Variants in MARCHF1 observed in about 807,000 individuals in gnomAD.
MARCHF1 encodes E3 ubiquitin-protein ligase MARCHF1.
A neutral mutation model predicts 54.2 loss-of-function variants in MARCHF1; 40 were observed. That is an observed-to-expected ratio of 0.74 (90% CI 0.57 to 0.96). The LOEUF is 0.96. Ranked by LOEUF, MARCHF1 falls within the 40% of genes least tolerant of loss-of-function variation. The probability of loss-of-function intolerance (pLI) is 0.00; values close to 1 mark genes in which losing one functional copy is unlikely to be tolerated. For missense variants in MARCHF1, 586 were observed against 656.5 expected (o/e 0.89, Z 1.17); for synonymous variants, 236 against 236.3 (o/e 1.00, Z 0.01).
intron 1 of MARCHF1, among the ~76,000 whole-genome samples, chr4:164,283,236 A>C (rs1055027662): frequency 6.6e-6 from 1 of 150,894 alleles, no homozygotes; most frequent in Non-Finnish European, 1.5e-5. Context: ...GCAACACAAA[A>C]ATTCAAATGG....
chr4:163,728,497 A>G (rs1005081486), intron 4 of MARCHF1, among the ~76,000 whole-genome samples: 10 of 152,044 alleles, frequency 6.6e-5, no homozygotes, highest in African/African-American at 2.4e-4. Flanking sequence ...CTTTTTTCAC[A>G]TTGATCTTCC....
intron 1 of MARCHF1, among the ~76,000 whole-genome samples, chr4:164,244,813 G>C (rs1259321414): frequency 5.3e-5 from 8 of 152,082 alleles, no homozygotes; most frequent in Non-Finnish European, 8.8e-5. Context: ...AGTACCATCA[G>C]AGAATACTAC....
intron 1 of MARCHF1, among the ~76,000 whole-genome samples, chr4:164,276,952 AG>A: frequency 8.4e-6 from 1 of 119,310 alleles, no homozygotes; most frequent in Non-Finnish European, 1.9e-5. Context: ...ATATATAGAG[AG>A]AGAGAGAGAG....
At chr4:164,311,454 A>G (rs77442065) in intron 1 of MARCHF1, among the ~76,000 whole-genome samples, 9,795 of 152,268 alleles carry the variant, frequency 0.064, 837 homozygotes, top group East Asian at 0.27. Context: ...ACATTTTCTT[A>G]AAGATTACTA....
chr4:163,995,044 G>C (rs1753047538), intron 2 of MARCHF1, among the ~76,000 whole-genome samples: 1 of 151,930 alleles, frequency 6.6e-6, no homozygotes, highest in Non-Finnish European at 1.5e-5. Flanking sequence ...CCCAAATTCA[G>C]TTCTACCTGG....
At chr4:164,057,062 T>C (rs760624180) in intron 2 of MARCHF1, among the ~76,000 whole-genome samples, 4 of 152,192 alleles carry the variant, frequency 2.6e-5, no homozygotes, top group Non-Finnish European at 2.9e-5. Context: ...TAACACTAAA[T>C]AGCAAATTAA....
chr4:164,176,196 G>A (rs1257186632), intron 1 of MARCHF1, among the ~76,000 whole-genome samples: 2 of 152,092 alleles, frequency 1.3e-5, no homozygotes, highest in African/African-American at 4.8e-5. Context: ...AGTTACTAAG[G>A]CAAGCCTGAC....
At chr4:163,653,678 G>C (rs1743047207) in intron 5 of MARCHF1, among the ~76,000 whole-genome samples, 1 of 151,604 alleles carries the variant, frequency 6.6e-6, no homozygotes, top group South Asian at 2.1e-4. Context: ...AAAGAAGGTA[G>C]ACATCAAGGT....
intron 1 of MARCHF1, among the ~76,000 whole-genome samples, chr4:164,178,414 G>A (rs1359610502): frequency 1.3e-5 from 2 of 152,156 alleles, no homozygotes; most frequent in Non-Finnish European, 2.9e-5. Flanking sequence ...AAAATTATGT[G>A]TCCAGTAAAG....
intron 5 of MARCHF1, among the ~76,000 whole-genome samples, chr4:163,619,925 A>G (rs950581657): frequency 3.3e-5 from 5 of 152,180 alleles, no homozygotes; most frequent in African/African-American, 1.2e-4. Flanking sequence ...AAAAACTTCT[A>G]ATTTATAAAA....
chr4:163,752,077 A>T lies in MARCHF1; in HGVS notation c.112-51214T>A, dbSNP rs76598716. On this transcript the variant is annotated intron_variant, in intron 4 of 9. Coordinates refer to ENST00000514618, the MANE Select transcript of MARCHF1 (RefSeq NM_001394959.1). ...TGGAAATAACTCATAATAGGGACTT[A>T]TAACTCATAGTGGAATTTTTCTGTG... 2.5e-3 allele frequency among the ~76,000 whole-genome samples: 377 copies of T among 152,324 alleles called. 3 individuals carry two copies. The highest frequency in any genetic ancestry group is 8.6e-3 in the African/African-American group (359 of 41,576).
At chr4:164,193,493 C>A (rs888549620) in intron 1 of MARCHF1, among the ~76,000 whole-genome samples, 1 of 151,974 alleles carries the variant, frequency 6.6e-6, no homozygotes. Context: ...TGACACAGAA[C>A]AGGAAAGATC....
intron 1 of MARCHF1, among the ~76,000 whole-genome samples, chr4:164,115,864 T>C (rs1755928512): frequency 6.6e-6 from 1 of 152,012 alleles, no homozygotes; most frequent in Admixed American, 6.6e-5. Context: ...GAAGATGTCA[T>C]AGTTCCCACA....
intron 3 of MARCHF1, among the ~76,000 whole-genome samples, chr4:163,890,336 C>A (rs1307224042): frequency 6.6e-6 from 1 of 150,934 alleles, no homozygotes; most frequent in Non-Finnish European, 1.5e-5. Context: ...ACAAAATATT[C>A]CAGGCAGCTT....
intron 2 of MARCHF1, among the ~76,000 whole-genome samples, chr4:164,053,720 C>T (rs560198511): frequency 6.6e-6 from 1 of 152,258 alleles, no homozygotes; most frequent in South Asian, 2.1e-4. Context: ...ATTCAACCTC[C>T]TTTTCTAATG....
intron 1 of MARCHF1, among the ~76,000 whole-genome samples, chr4:164,203,360 T>C (rs916805028): frequency 4.6e-5 from 7 of 152,078 alleles, no homozygotes; most frequent in African/African-American, 1.7e-4. Flanking sequence ...TTAATTTGGC[T>C]CATTCTATTG....
intron 1 of MARCHF1, among the ~76,000 whole-genome samples, chr4:164,206,626 A>T (rs1257315795): frequency 1.3e-5 from 2 of 152,192 alleles, no homozygotes; most frequent in Non-Finnish European, 2.9e-5. Context: ...CTAAGAATTA[A>T]AAAGGTAAGA....
chr4:163,919,707 T>C (rs1258013400), intron 3 of MARCHF1, among the ~76,000 whole-genome samples: 1 of 152,114 alleles, frequency 6.6e-6, no homozygotes, highest in Non-Finnish European at 1.5e-5. Flanking sequence ...TCTCAATGTA[T>C]CACTTTTCAA....
chr4:164,153,679 AAAC>A (rs1730002989), intron 1 of MARCHF1, among the ~76,000 whole-genome samples: 1 of 152,162 alleles, frequency 6.6e-6, no homozygotes, highest in Non-Finnish European at 1.5e-5. Flanking sequence ...TACATCATAC[AAAC>A]AACCAAAACT....
Sources: gnomAD v4.1 joint callset for allele counts (sites outside exome capture counted in the v4.1 genomes callset) on GRCh38, gnomAD v4.1.1 for gene constraint, MANE v1.5 for transcripts, NCBI Gene and HGNC (gene_info 2026-07-23, HGNC 2026-07-21) for gene names.